Variants in PTGR2 observed in about 807,000 individuals in gnomAD.
PTGR2 encodes 15-oxoprostaglandin 13-reductase.
A neutral mutation model predicts 43.4 loss-of-function variants in PTGR2; 32 were observed. The ratio of observed to expected loss-of-function variants is 0.74; its 90% CI spans 0.56 to 0.99. The LOEUF (loss-of-function observed/expected upper bound fraction) is 0.99. PTGR2 is among the 50% of genes least tolerant of loss of function. The pLI, the probability that PTGR2 is intolerant of heterozygous loss-of-function variation, is 0.00. For synonymous variants in PTGR2, 106 were observed against 139.2 expected (o/e 0.76, Z 1.68); for missense variants, 373 against 420.0 (o/e 0.89, Z 0.98).
rs1310656854 is a variant in PTGR2, at chr14:73,874,021, A to G, written c.157-2A>G. 1.9e-6 allele frequency: 3 copies of G among 1,564,208 alleles called. No homozygotes were observed. Among genetic ancestry groups the G allele is most frequent in the East Asian group, 2.3e-5 (1 of 44,026 alleles). ...AATTATCTTAATGTTTTCTTTTTTCAGCGTTGTAGAATGAATGAAGACACT... is the reference window on the plus strand; with the variant it reads ...AATTATCTTAATGTTTTCTTTTTTCGGCGTTGTAGAATGAATGAAGACACT... On this transcript the variant is annotated splice_acceptor_variant, in intron 3 of 9. Transcript: ENST00000555661. LOFTEE classifies it high-confidence loss of function.
At chr14:73,874,681 G>C in intron 4 of PTGR2, 3 of 433,898 alleles carry the variant, frequency 6.9e-6, no homozygotes, top group East Asian at 1.4e-4. Context: ...TTACAGGTGT[G>C]AGCTTGAAGT....
intron 1 of PTGR2, chr14:73,858,074 C>G (rs2140234877): frequency 6.6e-6 from 1 of 151,980 alleles, no homozygotes; most frequent in African/African-American, 2.4e-5. Context: ...AAAACAAGTG[C>G]AGTATTGAGA....
intron 3 of PTGR2, among the ~76,000 whole-genome samples, chr14:73,871,823 T>C (rs1947054768): frequency 6.6e-6 from 1 of 152,200 alleles, no homozygotes; most frequent in African/African-American, 2.4e-5. Context: ...TTTTTTCCTA[T>C]ATCTCAGAGA....
intron 9 of PTGR2, among the ~76,000 whole-genome samples, chr14:73,883,701 G>A (rs1350857336): frequency 1.3e-5 from 2 of 151,376 alleles, no homozygotes; most frequent in Non-Finnish European, 2.9e-5. Flanking sequence ...GGTCAGGCTG[G>A]TCTTAAACTC....
chr14:73,875,738 CTTT>C (rs202193452), intron 4 of PTGR2, among the ~76,000 whole-genome samples: 1 of 136,258 alleles, frequency 7.3e-6, no homozygotes, highest in African/African-American at 2.8e-5. Context: ...TAAGCACTTC[CTTT>C]TTTTTTTTTT....
Position 73,879,208 on chromosome 14 carries a change from A to G in PTGR2, c.632A>G (p.Asp211Gly). The G allele has an allele frequency of 6.2e-7, 1 of 1,613,890 alleles. No individual in the cohort carries two copies. The highest frequency in any genetic ancestry group is 8.5e-7 in the Non-Finnish European group (1 of 1,179,952). ...GATGCTGCAATTAATTATAAAAAAG[A>G]CAATGTGGCAGAACAGCTCCGTGAA... The part of the protein sequence containing the change: ...GFDAAINYKK[D>G]NVAEQLRESC... Residue 211 changes from aspartate (D) to glycine (G), a missense_variant, in exon 6 of 10, where the codon GAC becomes GGC. Coordinates refer to ENST00000555661, the MANE Select transcript of PTGR2 (RefSeq NM_001146154.2).
intron 7 of PTGR2, among the ~76,000 whole-genome samples, chr14:73,880,635 C>T (rs1171092599): frequency 6.6e-6 from 1 of 151,332 alleles, no homozygotes; most frequent in Non-Finnish European, 1.5e-5. Context: ...ATTTTTTAAG[C>T]TGGTTCAATA....
intron 1 of PTGR2, among the ~76,000 whole-genome samples, chr14:73,854,336 A>C (rs993861205): frequency 3.3e-5 from 5 of 152,118 alleles, no homozygotes; most frequent in African/African-American, 9.7e-5. Flanking sequence ...TCCTGACCTC[A>C]AGTGATCCAC....
intron 4 of PTGR2, chr14:73,874,609 G>A (rs541967610): frequency 1.5e-5 from 7 of 456,042 alleles, no homozygotes; most frequent in South Asian, 4.6e-5. Context: ...GTGTTGCCCC[G>A]GCTGGTCTCA....
rs1186503605 is a variant in PTGR2 at position 73,867,101 on chromosome 14, A to AAAAAAAAC, written c.156+6460_156+6467dup. ...AAGACTCTGTCTCAAAAAAAAAAAA[A>AAAAAAAAC]AAAAAAACAAAAAAACAAAAAAAAG... On this transcript the variant is annotated intron_variant, in intron 3 of 9. Transcript: ENST00000555661. Among the ~76,000 whole-genome samples, 34 of 141,370 alleles carry AAAAAAAAC rather than the reference A, an allele frequency of 2.4e-4. 1 individual carries two copies. The highest frequency in any genetic ancestry group is 6.4e-4 in the African/African-American group (25 of 39,068). The allele number at this position is 141,370 out of a possible 152,430, so 92.7% of individuals were successfully genotyped here.
intron 1 of PTGR2, 26 bp downstream of exon 1, chr14:73,851,969 C>G (rs989801524): frequency 2.2e-4 from 33 of 152,272 alleles, no homozygotes; most frequent in Non-Finnish European, 3.8e-4. Context: ...GCGGCTCCCG[C>G]GACTGTGGCT....
chr14:73,857,664 G>GTTTCTTTTTTTTT (rs2054383521), intron 1 of PTGR2, among the ~76,000 whole-genome samples: 1 of 64,696 alleles, frequency 1.5e-5, no homozygotes, highest in South Asian at 8.9e-4. Flanking sequence ...AGCAGTTAGT[G>GTTTCTTTTTTTTT]TTTTTTTTTT....
chr14:73,867,985 C>T (rs2054640562), intron 3 of PTGR2, among the ~76,000 whole-genome samples: 1 of 152,152 alleles, frequency 6.6e-6, no homozygotes. Flanking sequence ...TTGACATGGT[C>T]TAAGAAGCTA....
chr14:73,872,634 A>G (rs1176596741), intron 3 of PTGR2, among the ~76,000 whole-genome samples: 2 of 152,208 alleles, frequency 1.3e-5, no homozygotes, highest in African/African-American at 2.4e-5. Context: ...GAGCTTTGCA[A>G]CTGTCACCTC....
At chr14:73,883,188 CTTTTTTTTTTTTTTT>C (rs58234739) in intron 9 of PTGR2, among the ~76,000 whole-genome samples, 744 of 58,176 alleles carry the variant, frequency 0.013, 28 homozygotes, top group African/African-American at 0.057. Flanking sequence ...CCTCACCTCC[CTTTTTTTTTTTTTTT>C]TTTTTTTTTT....
chr14:73,877,410 G>T, intron 5 of PTGR2: 1 of 294,860 alleles, frequency 3.4e-6, no homozygotes, highest in Non-Finnish European at 6.3e-6. Context: ...GACTACAGGT[G>T]TGTGCCACCA....
rs1234768956 is a variant in PTGR2, at chr14:73,884,344, C to T, written c.*167C>T. 2 of 477,092 alleles carry T rather than the reference C, an allele frequency of 4.2e-6. No homozygotes were observed. Among genetic ancestry groups the T allele is most frequent in the Non-Finnish European group, 7.3e-6 (2 of 275,766 alleles). The allele number at this position is 477,092 out of a possible 1,614,324, so 29.6% of individuals were successfully genotyped here. ...TTGATACAATCATTAATGGATCATACACAATAGGTTTTTAAAAATTAATAA... is the reference window on the plus strand; with the variant it reads ...TTGATACAATCATTAATGGATCATATACAATAGGTTTTTAAAAATTAATAA... On this transcript the variant is annotated 3_prime_UTR_variant, in exon 10 of 10. Coordinates refer to ENST00000555661, the MANE Select transcript of PTGR2 (RefSeq NM_001146154.2).
At chr14:73,867,097 A>G (rs1566637502) in intron 3 of PTGR2, among the ~76,000 whole-genome samples, 15 of 146,444 alleles carry the variant, frequency 1.0e-4, no homozygotes, top group Non-Finnish European at 3.0e-5. Context: ...TCAAAAAAAA[A>G]AAAAAAAAAA....
At chr14:73,865,941 T>A (rs1304703203) in intron 3 of PTGR2, among the ~76,000 whole-genome samples, 2 of 152,194 alleles carry the variant, frequency 1.3e-5, no homozygotes, top group African/African-American at 4.8e-5. Context: ...TACCTCGCTC[T>A]CTTAATTACT....
Sources: gnomAD v4.1 joint callset for allele counts (sites outside exome capture counted in the v4.1 genomes callset) on GRCh38, gnomAD v4.1.1 for gene constraint, MANE v1.5 for transcripts, NCBI Gene and HGNC (gene_info 2026-07-23, HGNC 2026-07-21) for gene names.